The following CASP2 variants were observed in gnomAD, a reference collection of about 807,000 sequenced individuals.
CASP2 encodes the protein caspase 2.
In CASP2, 38 loss-of-function variants were observed where a neutral mutation model predicts 54.4. The ratio of observed to expected loss-of-function variants is 0.70; its 90% CI spans 0.54 to 0.92. The LOEUF is 0.92. CASP2 is among the 40% of genes least tolerant of loss of function. The probability of loss-of-function intolerance (pLI) is 0.00; values close to 1 mark genes in which losing one functional copy is unlikely to be tolerated. For missense variants in CASP2, 512 were observed against 579.6 expected (o/e 0.88, Z 1.20); for synonymous variants, 215 against 216.3 (o/e 0.99, Z 0.05).
chr7:143,306,341 C>G lies in CASP2; in HGVS notation c.*1270C>G, dbSNP rs562880976. On this transcript the variant is annotated 3_prime_UTR_variant, in exon 11 of 11. Coordinates refer to ENST00000310447, the MANE Select transcript of CASP2 (RefSeq NM_032982.4). ...GCACGATCTCAGCTCACTGCAAGCT[C>G]CAACTCCCGGGTTCACGCCATTCTC... 6.7e-6 allele frequency: 1 copy of G among 148,158 alleles called. No homozygotes were observed. The highest frequency in any genetic ancestry group is 6.8e-5 in the Admixed American group (1 of 14,738). The allele number at this position is 148,158 out of a possible 1,614,324, so 9.2% of individuals were successfully genotyped here.
chr7:143,299,403 C>G (rs546474355), intron 6 of CASP2, among the ~76,000 whole-genome samples: 6 of 152,200 alleles, frequency 3.9e-5, no homozygotes, highest in Non-Finnish European at 7.3e-5. Flanking sequence ...GCATTTTATA[C>G]AGTCATCATC....
Position 143,288,396 on chromosome 7 carries a change from G to A in CASP2, c.-60G>A, listed in dbSNP as rs1046866332. The A allele has an allele frequency of 6.5e-6, 10 of 1,544,416 alleles. No individual in the cohort carries two copies. Among genetic ancestry groups the A allele is most frequent in the Non-Finnish European group, 8.9e-6 (10 of 1,122,584 alleles). ...AGGGGAGGGATGTGGGGGAAGCGAC[G>A]GCCCCCGGTTTGTTTGGGCTGTGGG... On this transcript the variant is annotated 5_prime_UTR_variant, in exon 1 of 11. Coordinates refer to ENST00000310447, the MANE Select transcript of CASP2 (RefSeq NM_032982.4).
At chr7:143,288,714 G>A (rs1801462198) in intron 1 of CASP2, among the ~76,000 whole-genome samples, 185 bp downstream of exon 1, 1 of 152,212 alleles carries the variant, frequency 6.6e-6, no homozygotes, top group African/African-American at 2.4e-5. Flanking sequence ...AGGGCCCGCG[G>A]GCGGACCTCT....
chr7:143,293,813 G>A (rs1267816652), intron 4 of CASP2, among the ~76,000 whole-genome samples: 2 of 152,130 alleles, frequency 1.3e-5, no homozygotes, highest in Non-Finnish European at 2.9e-5. Context: ...TTAATAGTTG[G>A]TCCATTTCCC....
Position 143,304,948 on chromosome 7 carries a change from A to C in CASP2, c.1236A>C (p.Ala412=), listed in dbSNP as rs143054447. The change falls in exon 11 of 11, where the codon GCA becomes GCC. Residue 412 remains alanine, a synonymous_variant. Coordinates refer to ENST00000310447, the MANE Select transcript of CASP2 (RefSeq NM_032982.4). The part of the protein sequence containing the change: ...HVADMLVKVN[A]LIKDREGYAP... The stretch of plus-strand genomic sequence containing the variant: ...TGGTTCTGCCCCTCCAGGTGAACGC[A>C]CTTATCAAGGATCGGGAAGGTTATG... 1.3e-4 allele frequency: 213 copies of C among 1,614,014 alleles called. 2 individuals are homozygous for C. In the Middle Eastern group the frequency reaches 3.5e-3, roughly 26 times the overall value.
intron 2 of CASP2, 90 bp downstream of exon 2, chr7:143,291,780 CTTTTTT>C (rs777186983): frequency 2.3e-4 from 98 of 425,420 alleles, no homozygotes; most frequent in African/African-American, 2.3e-3. Flanking sequence ...ATCTTTCTTC[CTTTTTT>C]TTTTTTTTTT....
intron 1 of CASP2, 99 bp downstream of exon 1, chr7:143,288,628 C>G (rs1801456093): frequency 5.4e-6 from 6 of 1,119,148 alleles, no homozygotes; most frequent in Non-Finnish European, 7.8e-6. Context: ...CTCGGAGCCC[C>G]GGAAAGCAGC....
chr7:143,291,673 A>G lies in CASP2; in HGVS notation c.208A>G (p.Met70Val), dbSNP rs1801564822. The G allele has an allele frequency of 1.2e-6, 2 of 1,614,032 alleles. No individual in the cohort carries two copies. Among genetic ancestry groups the G allele is most frequent in the African/African-American group, 2.7e-5 (2 of 75,008 alleles). ...GGAGAAGGACATCATCACCTTGGAAATGAGGGAGCTCATCCAGGTATCTGG... is the reference window on the plus strand; with the variant it reads ...GGAGAAGGACATCATCACCTTGGAAGTGAGGGAGCTCATCCAGGTATCTGG... ...LLEKDIITLE[M>V]RELIQAKVGS... The change falls in exon 2 of 11, where the codon ATG (methionine) becomes GTG (valine). Residue 70 changes from methionine to valine, a missense_variant. Met to Val is a conservative substitution (Grantham distance 21). Transcript: ENST00000310447.
At position 143,306,116 on chromosome 7, in the gene CASP2, T is replaced by G. The variant is rs188559339; in HGVS notation, c.*1045T>G. On this transcript the variant is annotated 3_prime_UTR_variant, in exon 11 of 11. Transcript: ENST00000310447. ...ATGTAATGTAGTTCTTTGTTCCTGCTTTCTCTTTCAGTATTAAACTCTCCT... is the reference window on the plus strand; with the variant it reads ...ATGTAATGTAGTTCTTTGTTCCTGCGTTCTCTTTCAGTATTAAACTCTCCT... 2 of 152,306 alleles carry G rather than the reference T, an allele frequency of 1.3e-5. No homozygotes were observed. The highest frequency in any genetic ancestry group is 3.9e-4 in the East Asian group (2 of 5,184). The allele number at this position is 152,306 out of a possible 1,614,324, so 9.4% of individuals were successfully genotyped here. A position where few individuals can be genotyped will look rare whatever the true frequency, so the allele number is the denominator to read the frequency against.
At chr7:143,294,551 A>G in intron 5 of CASP2, 46 bp from the exon 6 acceptor site, 3 of 1,549,326 alleles carry the variant, frequency 1.9e-6, no homozygotes, top group Non-Finnish European at 2.7e-6. Flanking sequence ...CCGAGGAATC[A>G]TCTGTTATCA....
intron 2 of CASP2, among the ~76,000 whole-genome samples, chr7:143,292,079 G>T (rs1185457671): frequency 1.3e-5 from 2 of 151,898 alleles, no homozygotes; most frequent in Non-Finnish European, 2.9e-5. Flanking sequence ...CACCCAGCTG[G>T]ATGTTGTACC....
chr7:143,294,161 T>C, intron 4 of CASP2, 69 bp from the exon 5 acceptor site: 1 of 888,770 alleles, frequency 1.1e-6, no homozygotes, highest in South Asian at 1.3e-5. Context: ...ATGTCTGAAG[T>C]TACAATGACA....
In CASP2 at chr7:143,293,120, TTTTTTTTTTGTTGTG is replaced by T. The variant is rs1324994581; in HGVS notation, c.475+431_475+445del. 2.3e-4 allele frequency: 150 copies of T among 649,378 alleles called. 1 individual carries two copies. In the African/African-American group the frequency reaches 2.5e-3, roughly 11 times the overall value. 40.2% of individuals were successfully genotyped at this position (649,378 alleles called of 1,614,324 possible). A position where few individuals can be genotyped will look rare whatever the true frequency, so the allele number is the denominator to read the frequency against. ...AACATGAGCCCTTTTTTTTGTTTTT[TTTTTTTTTTGTTGTG>T]TTTTTTTTCAGAAATAGGGTCTTGT... On this transcript the variant is annotated intron_variant, in intron 4 of 10. Coordinates refer to ENST00000310447, the MANE Select transcript of CASP2 (RefSeq NM_032982.4).
At position 143,305,277 on chromosome 7, in the gene CASP2, G is replaced by C; in HGVS notation, c.*206G>C. 1 of 669,532 alleles carries C rather than the reference G, an allele frequency of 1.5e-6. No individual in the cohort carries two copies. The highest frequency in any genetic ancestry group is 2.6e-6 in the Non-Finnish European group (1 of 379,320). 41.5% of individuals were successfully genotyped at this position (669,532 alleles called of 1,614,324 possible). On this transcript the variant is annotated 3_prime_UTR_variant, in exon 11 of 11. Coordinates refer to ENST00000310447, the MANE Select transcript of CASP2 (RefSeq NM_032982.4). ...TTTTCTGTGAAGCCCTTTGCCTGTAGAGCCAGCCTTGGTTGGACCTATTGC... is the reference window on the plus strand; with the variant it reads ...TTTTCTGTGAAGCCCTTTGCCTGTACAGCCAGCCTTGGTTGGACCTATTGC...
intron 8 of CASP2, chr7:143,300,725 C>T: frequency 2.5e-6 from 3 of 1,193,912 alleles, no homozygotes; most frequent in Middle Eastern, 3.8e-4. Context: ...CATATACTTC[C>T]CTGTTTACCT....
Position 143,303,656 on chromosome 7 carries a change from G to A in CASP2, c.968-128G>A. On this transcript the variant is annotated intron_variant, in intron 8 of 10. Transcript: ENST00000310447. ...TTTTTTTTTAGTTTATCAGCCATAGGTTGGAGGCAACAGCTGGAAATGGCT... is the reference window on the plus strand; with the variant it reads ...TTTTTTTTTAGTTTATCAGCCATAGATTGGAGGCAACAGCTGGAAATGGCT... 4.0e-6 allele frequency: 3 copies of A among 741,284 alleles called. 1 individual carries two copies. The South Asian group carries it at 4.6e-5, about 11-fold the overall frequency. The allele number at this position is 741,284 out of a possible 1,614,324, so 45.9% of individuals were successfully genotyped here.
At chr7:143,297,109 A>G (rs1307588630) in intron 6 of CASP2, among the ~76,000 whole-genome samples, 1 of 152,256 alleles carries the variant, frequency 6.6e-6, no homozygotes, top group Non-Finnish European at 1.5e-5. Flanking sequence ...GCAGCTGCCC[A>G]TATAATTTAG....
rs905954276 is a variant in CASP2 at position 143,304,597 on chromosome 7, G to A, written c.1118-77G>A. Reference sequence around the variant, plus strand: ...TTCTCTGACTAGGGAGGGTGCAGGTGTCATGGCCGAGTCTAGTTTGGGAAG... The same window carrying A: ...TTCTCTGACTAGGGAGGGTGCAGGTATCATGGCCGAGTCTAGTTTGGGAAG... On this transcript the variant is annotated intron_variant, in intron 9 of 10. Transcript: ENST00000310447. 2.0e-4 allele frequency: 211 copies of A among 1,034,580 alleles called. No homozygotes were observed. In the African/African-American group the frequency reaches 2.8e-3, roughly 14 times the overall value. 64.1% of individuals were successfully genotyped at this position (1,034,580 alleles called of 1,614,324 possible).
chr7:143,296,618 G>A (rs1801759871), intron 6 of CASP2, among the ~76,000 whole-genome samples: 1 of 151,984 alleles, frequency 6.6e-6, no homozygotes. Flanking sequence ...AGTTGCAATG[G>A]GTGTCATAAT....
Sources: allele counts gnomAD v4.1 joint callset (sites outside exome capture counted in the v4.1 genomes callset), GRCh38; gene constraint gnomAD v4.1.1; transcripts MANE v1.5; gene names NCBI Gene and HGNC (gene_info 2026-07-23, HGNC 2026-07-21).